KTN1: variants seen among roughly 807,000 people sequenced by gnomAD.
The protein encoded by KTN1 is kinectin.
Under a neutral mutation model 222.5 loss-of-function variants are expected in KTN1, and 130 were observed. The ratio of observed to expected loss-of-function variants is 0.58; its 90% confidence interval spans 0.51 to 0.68. KTN1 has a LOEUF of 0.68. Among genes scored for constraint, KTN1 ranks in the 30% least tolerant of loss-of-function variants. The pLI is 0.00. For missense variants in KTN1, 1,508 were observed against 1,500.4 expected, an observed-to-expected ratio of 1.01 and a Z score of -0.08; for synonymous variants, 512 against 496.3, an observed-to-expected ratio of 1.03 and a Z score of -0.42.
chr14:55,635,417 GT>G (rs748870705), intron 9 of KTN1, among the ~76,000 whole-genome samples: 19 of 152,266 alleles, frequency 1.2e-4, no homozygotes, highest in Admixed American at 2.6e-4. Flanking sequence ...GCAGAACCTA[GT>G]TTTCTTTCAG....
At chr14:55,667,837 A>G (rs1295284150) in intron 34 of KTN1, 3 of 151,750 alleles carry the variant, frequency 2.0e-5, no homozygotes, top group African/African-American at 7.3e-5. Flanking sequence ...TCAGAGAATT[A>G]ATAATTATTT....
At chr14:55,638,485 T>G (rs1215059163) in intron 12 of KTN1, among the ~76,000 whole-genome samples, 1 of 151,962 alleles carries the variant, frequency 6.6e-6, no homozygotes, top group Non-Finnish European at 1.5e-5. Context: ...AGTCTGACAT[T>G]TCTGTATAAA....
In KTN1 at chr14:55,646,475, C is replaced by CT. The variant is rs760911453; in HGVS notation, c.2173-495dup. ...TTCCTTTTCCTTTTCCTTTCCTTTC[C>CT]TTTCCTTTCCTTTCCTTTCCTTTCC... On this transcript the variant is annotated intron_variant, in intron 18 of 43. Coordinates refer to ENST00000395314, the MANE Select transcript of KTN1 (RefSeq NM_001079521.2). Among the ~76,000 whole-genome samples the CT allele has an allele frequency of 4.2e-3, 205 of 48,816 alleles. 1 individual carries two copies. Among genetic ancestry groups the CT allele is most frequent in the African/African-American group, 0.014 (147 of 10,672 alleles). The allele number at this position is 48,816 out of a possible 152,430, so 32.0% of individuals were successfully genotyped here. A position where few individuals can be genotyped will look rare whatever the true frequency, so the allele number is the denominator to read the frequency against.
At chr14:55,653,450 T>C in intron 27 of KTN1, 109 bp from the exon 28 acceptor site, 2 of 777,786 alleles carry the variant, frequency 2.6e-6, no homozygotes, top group Non-Finnish European at 4.2e-6. Flanking sequence ...ATTTACTGCA[T>C]ATAATTATGT....
rs1478664878 is a variant in KTN1, at chr14:55,671,887, A to G, written c.3531+10A>G. The G allele has an allele frequency of 6.7e-7, 1 of 1,490,732 alleles. No individual in the cohort carries two copies. Among genetic ancestry groups the G allele is most frequent in the East Asian group, 2.3e-5 (1 of 44,254 alleles). The allele number at this position is 1,490,732 out of a possible 1,614,324, so 92.3% of individuals were successfully genotyped here. ...CAAGACTATTAAACAGGTATTTACA[A>G]AAGAAAAGCTTAGAGCAGTGGTTCT... is the stretch of plus-strand genomic sequence containing the variant. On this transcript the variant is annotated intron_variant, in intron 37 of 43. Coordinates refer to ENST00000395314, the MANE Select transcript of KTN1 (RefSeq NM_001079521.2).
chr14:55,601,776 C>T (rs2036008723), intron 1 of KTN1: 1 of 152,120 alleles, frequency 6.6e-6, no homozygotes, highest in African/African-American at 2.4e-5. Context: ...CGTTCCGTCA[C>T]CCAGGCTGGA....
In KTN1 at chr14:55,639,898, T is replaced by G. The variant is rs1442133828; in HGVS notation, c.1824-15T>G. 1 of 1,481,190 alleles carries G rather than the reference T, an allele frequency of 6.8e-7. No homozygotes were observed. The highest frequency in any genetic ancestry group is 1.7e-5 in the Admixed American group (1 of 58,486). 91.8% of individuals were successfully genotyped at this position (1,481,190 alleles called of 1,614,324 possible). On this transcript the variant is annotated splice_polypyrimidine_tract_variant and intron_variant, in intron 13 of 43. Coordinates refer to ENST00000395314, the MANE Select transcript of KTN1 (RefSeq NM_001079521.2). ...TGAATGTTTATTGAATGTACAAATGTCTTTCCTTCTAAAGGATTGCAGAAA... is the reference window on the plus strand; with the variant it reads ...TGAATGTTTATTGAATGTACAAATGGCTTTCCTTCTAAAGGATTGCAGAAA...
At chr14:55,678,227 G>A in intron 41 of KTN1, 125 bp from the exon 42 acceptor site, 2 of 608,086 alleles carry the variant, frequency 3.3e-6, no homozygotes, top group Non-Finnish European at 5.8e-6. Context: ...TTTCATTTTG[G>A]AGGGAAAAAC....
chr14:55,653,748 G>A (rs1395652993), intron 28 of KTN1, 152 bp downstream of exon 28: 2 of 550,428 alleles, frequency 3.6e-6, no homozygotes, highest in Admixed American at 3.5e-5. Flanking sequence ...CTAAGTCTCT[G>A]TTGGGTAAAA....
At position 55,640,986 on chromosome 14, in the gene KTN1, T is replaced by G. The variant is rs370621123; in HGVS notation, c.2021+16T>G. On this transcript the variant is annotated intron_variant, in intron 16 of 43. Transcript: ENST00000395314. ...TGCAACAAAGGTGACTAAAGTATTG[T>G]ACATCTAGTCGTTCATACATTTATG... 34 of 1,594,852 alleles carry G rather than the reference T, an allele frequency of 2.1e-5. No homozygotes were observed. In the Middle Eastern group the frequency reaches 5.1e-4, roughly 24 times the overall value.
chr14:55,645,210 G>C (rs1013961187), intron 18 of KTN1, among the ~76,000 whole-genome samples: 2 of 152,166 alleles, frequency 1.3e-5, no homozygotes, highest in African/African-American at 4.8e-5. Context: ...AGACAGTCCA[G>C]GCTGAGGGAA....
In KTN1 at chr14:55,641,746, C is replaced by G; in HGVS notation, c.2158C>G (p.Leu720Val). The G allele has an allele frequency of 1.3e-6, 2 of 1,593,052 alleles. No individual in the cohort carries two copies. Among genetic ancestry groups the G allele is most frequent in the African/African-American group, 1.3e-5 (1 of 74,618 alleles). ...ATCAGAAGTTCAGAAGCTACAGACT[C>G]TTGTTTCTGAACAGGTAAGGCTTTT... ...LKSEVQKLQT[L>V]VSEQPNKDVV... Residue 720 changes from leucine (L) to valine (V), a missense_variant, in exon 18 of 44, where the codon CTT becomes GTT. Coordinates refer to ENST00000395314, the MANE Select transcript of KTN1 (RefSeq NM_001079521.2).
At chr14:55,653,526 T>C (rs774835694) in intron 27 of KTN1, 33 bp from the exon 28 acceptor site, 4 of 1,574,464 alleles carry the variant, frequency 2.5e-6, no homozygotes, top group Admixed American at 1.7e-5. Context: ...CATTTAATGC[T>C]AACAGCATTA....
intron 1 of KTN1, among the ~76,000 whole-genome samples, chr14:55,586,741 G>A (rs1213057931): frequency 6.6e-6 from 1 of 151,962 alleles, no homozygotes; most frequent in Non-Finnish European, 1.5e-5. Context: ...TAAATTTAAA[G>A]ACTTGAAGTT....
intron 9 of KTN1, 105 bp from the exon 10 acceptor site, chr14:55,636,344 T>C: frequency 3.8e-6 from 3 of 796,392 alleles, no homozygotes; most frequent in South Asian, 3.5e-5. Flanking sequence ...ATAAGCAGTT[T>C]TATGATACAA....
At chr14:55,640,812 A>C in intron 15 of KTN1, 121 bp from the exon 16 acceptor site, 1 of 752,628 alleles carries the variant, frequency 1.3e-6, no homozygotes, top group Non-Finnish European at 2.2e-6. Flanking sequence ...AGAAATATAC[A>C]GTATTGCTGT....
intron 1 of KTN1, among the ~76,000 whole-genome samples, chr14:55,610,913 T>C (rs1216245718): frequency 6.6e-6 from 1 of 152,342 alleles, no homozygotes; most frequent in Non-Finnish European, 1.5e-5. Flanking sequence ...GCCCCGGGCG[T>C]ACTTACTGAG....
chr14:55,627,600 C>G (rs2039997498), intron 5 of KTN1, among the ~76,000 whole-genome samples: 1 of 152,128 alleles, frequency 6.6e-6, no homozygotes, highest in Admixed American at 6.5e-5. Flanking sequence ...TGCTATCCCT[C>G]CCCTATTCCC....
At chr14:55,611,728 A>C (rs2037607136) in intron 1 of KTN1, among the ~76,000 whole-genome samples, 1 of 152,228 alleles carries the variant, frequency 6.6e-6, no homozygotes, top group African/African-American at 2.4e-5. Context: ...CGGGAAAAGA[A>C]AGTAATGAAT....
Sources: gnomAD v4.1 joint callset for allele counts (sites outside exome capture counted in the v4.1 genomes callset) on GRCh38, gnomAD v4.1.1 for gene constraint, MANE v1.5 for transcripts, NCBI Gene and HGNC (gene_info 2026-07-23, HGNC 2026-07-21) for gene names.